The following KLHL20 variants were observed in gnomAD, a reference collection of about 807,000 sequenced individuals.
KLHL20 encodes kelch like family member 20, also known as kelch-like protein 20.
Under a neutral mutation model 69.5 loss-of-function variants are expected in KLHL20, and 29 were observed. The observed-to-expected ratio is 0.42, with a 90% CI of 0.31 to 0.57. KLHL20 has a LOEUF of 0.57. Ranked by LOEUF, KLHL20 falls within the 20% of genes least tolerant of loss-of-function variation. The pLI is 0.18. For synonymous variants in KLHL20, 253 were observed against 265.2 expected (o/e 0.95, Z 0.45); for missense variants, 419 against 776.0 (o/e 0.54, Z 5.47).
chr1:173,747,434 A>G (rs1453803521), intron 3 of KLHL20, among the ~76,000 whole-genome samples: 2 of 151,966 alleles, frequency 1.3e-5, no homozygotes, highest in African/African-American at 4.8e-5. Context: ...TTTGTTGTCT[A>G]AGTTCTAGTT....
chr1:173,751,967 G>A, intron 4 of KLHL20, 45 bp downstream of exon 4: 7 of 1,578,658 alleles, frequency 4.4e-6, no homozygotes, highest in Non-Finnish European at 6.0e-6. Flanking sequence ...ACCGGGCATG[G>A]TGGCTCATGA....
chr1:173,715,968 G>A, intron 1 of KLHL20, 35 bp from the exon 2 acceptor site: 1 of 1,409,602 alleles, frequency 7.1e-7, no homozygotes. Context: ...ATCAGAAATA[G>A]CTTTTATTAA....
At chr1:173,752,882 T>G (rs1406933186) in intron 4 of KLHL20, among the ~76,000 whole-genome samples, 2 of 152,116 alleles carry the variant, frequency 1.3e-5, no homozygotes, top group Non-Finnish European at 2.9e-5. Context: ...TTAATAGTGT[T>G]TATTGGCTGG....
intron 2 of KLHL20, among the ~76,000 whole-genome samples, chr1:173,733,224 A>T (rs1571866327): frequency 2.0e-5 from 3 of 151,846 alleles, no homozygotes; most frequent in Admixed American, 2.0e-4. Context: ...GTTTTGCCAC[A>T]TTCACCAGGC....
chr1:173,782,884 T>TC (rs1648969563), intron 11 of KLHL20, among the ~76,000 whole-genome samples: 1 of 152,188 alleles, frequency 6.6e-6, no homozygotes, highest in African/African-American at 2.4e-5. Flanking sequence ...TTTTAAATAT[T>TC]CAAGAACCTT....
intron 10 of KLHL20, among the ~76,000 whole-genome samples, chr1:173,779,507 T>C (rs765256554): frequency 6.6e-6 from 1 of 152,004 alleles, no homozygotes; most frequent in Non-Finnish European, 1.5e-5. Flanking sequence ...CGTGCCACCA[T>C]GTCCAGCTAA....
intron 2 of KLHL20, among the ~76,000 whole-genome samples, chr1:173,718,749 T>C (rs1671578878): frequency 1.3e-5 from 2 of 151,916 alleles, no homozygotes; most frequent in South Asian, 2.1e-4. Context: ...AATAAGAAAA[T>C]GCATTTGAAA....
intron 10 of KLHL20, 51 bp from the exon 11 acceptor site, chr1:173,782,073 C>G: frequency 8.0e-7 from 1 of 1,249,016 alleles, no homozygotes. Context: ...TCTATAATTT[C>G]CTTACGATTG....
At chr1:173,716,139 A>T (rs1046602577) in intron 2 of KLHL20, 73 bp downstream of exon 2, 42 of 1,440,292 alleles carry the variant, frequency 2.9e-5, no homozygotes, top group Non-Finnish European at 4.1e-5. Flanking sequence ...ATTTTTAAAA[A>T]AGAGTTTCAA....
At chr1:173,745,660 G>C (rs569132532) in intron 3 of KLHL20, among the ~76,000 whole-genome samples, 6 of 152,130 alleles carry the variant, frequency 3.9e-5, no homozygotes, top group Admixed American at 1.3e-4. Flanking sequence ...CTGCATATCA[G>C]TAGTTTTATT....
intron 2 of KLHL20, among the ~76,000 whole-genome samples, chr1:173,725,926 C>T (rs1558181754): frequency 1.3e-5 from 2 of 152,130 alleles, no homozygotes; most frequent in South Asian, 2.1e-4. Context: ...GCACACCGAG[C>T]GTGAGCCAAA....
intron 3 of KLHL20, among the ~76,000 whole-genome samples, chr1:173,742,509 C>A (rs1273972683): frequency 6.6e-6 from 1 of 151,638 alleles, no homozygotes; most frequent in East Asian, 1.9e-4. Context: ...AAGTGACTGG[C>A]AATGGTAACA....
chr1:173,737,177 G>T (rs1004138409), intron 3 of KLHL20, among the ~76,000 whole-genome samples: 2 of 152,256 alleles, frequency 1.3e-5, no homozygotes, highest in Non-Finnish European at 2.9e-5. Flanking sequence ...TCCGTGGGTT[G>T]TCTATTTACT....
intron 3 of KLHL20, among the ~76,000 whole-genome samples, chr1:173,739,333 A>C (rs1340325560): frequency 6.6e-6 from 1 of 152,058 alleles, no homozygotes; most frequent in East Asian, 1.9e-4. Flanking sequence ...CAGCCTCCCA[A>C]AGTGCTGGGA....
intron 7 of KLHL20, among the ~76,000 whole-genome samples, chr1:173,759,306 G>A (rs571610466): frequency 6.2e-4 from 94 of 152,216 alleles, no homozygotes; most frequent in African/African-American, 2.1e-3. Flanking sequence ...CACCCTGGTA[G>A]TGGAAGACAA....
Position 173,734,260 on chromosome 1 carries a change from A to C in KLHL20, c.571A>C (p.Lys191Gln), listed in dbSNP as rs376058252. 6.2e-7 allele frequency: 1 copy of C among 1,614,098 alleles called. No homozygotes were observed. The highest frequency in any genetic ancestry group is 1.3e-5 in the African/African-American group (1 of 74,938). Reference protein sequence around the residue: ...SCRELLRIADKFTQHNFQEVM... With the variant: ...SCRELLRIADQFTQHNFQEVM... The stretch of plus-strand genomic sequence containing the variant: ...TCGTGAGTTGCTAAGGATAGCAGAC[A>C]AGTTCACCCAACATAACTTTCAAGA... Residue 191 changes from lysine (K) to glutamine (Q), a missense_variant, in exon 3 of 12, where the codon AAG (lysine) becomes CAG (glutamine). By Grantham distance (53) the Lys-to-Gln change is moderately conservative. Coordinates refer to ENST00000209884, the MANE Select transcript of KLHL20 (RefSeq NM_014458.4).
intron 4 of KLHL20, among the ~76,000 whole-genome samples, chr1:173,752,234 CAA>C (rs202105334): frequency 8.5e-6 from 1 of 117,146 alleles, no homozygotes; most frequent in African/African-American, 3.2e-5. Context: ...GACTCCATCT[CAA>C]AAAAAAAAAA....
At chr1:173,726,921 A>G (rs993233938) in intron 2 of KLHL20, among the ~76,000 whole-genome samples, 2 of 152,218 alleles carry the variant, frequency 1.3e-5, no homozygotes, top group Admixed American at 6.5e-5. Flanking sequence ...GAGTTGAGAG[A>G]AGAAGGCTTC....
Position 173,734,060 on chromosome 1 carries a change from A to G in KLHL20, c.371A>G (p.Asp124Gly), listed in dbSNP as rs1430738635. Residue 124 changes from aspartate (D) to glycine (G), a missense_variant, in exon 3 of 12, where the codon GAC (aspartate) becomes GGC (glycine). Asp to Gly is a moderately conservative substitution (Grantham distance 94, BLOSUM62 -1). Around this residue, in one of 6 missense-constraint regions of KLHL20, gnomAD observed 129 missense variants for 183.6 expected, o/e 0.70. Coordinates refer to ENST00000209884, the MANE Select transcript of KLHL20 (RefSeq NM_014458.4). ...IDERAMELLIDFAYTSQITVE... is the reference protein window; with the variant it reads ...IDERAMELLIGFAYTSQITVE... ...GAGAGGGCTATGGAATTACTGATTGACTTTGCGTATACCTCCCAGATAACA... is the reference window on the plus strand; with the variant it reads ...GAGAGGGCTATGGAATTACTGATTGGCTTTGCGTATACCTCCCAGATAACA... 1.9e-6 allele frequency: 3 copies of G among 1,614,130 alleles called. No individual in the cohort carries two copies. Among genetic ancestry groups the G allele is most frequent in the Non-Finnish European group, 2.5e-6 (3 of 1,180,012 alleles).
Sources: gnomAD v4.1 joint callset for allele counts (sites outside exome capture counted in the v4.1 genomes callset) on GRCh38, gnomAD v4.1.1 for gene constraint, gnomAD v4.1.1 regional missense constraint, MANE v1.5 for transcripts, NCBI Gene and HGNC (gene_info 2026-07-23, HGNC 2026-07-21) for gene names.